Variants in DOCK1 observed in about 807,000 individuals in gnomAD.
The protein encoded by DOCK1 is dedicator of cytokinesis protein 1.
A neutral mutation model predicts 262.7 loss-of-function variants in DOCK1; 138 were observed. The ratio of observed to expected loss-of-function variants is 0.53; its 90% CI spans 0.46 to 0.61. DOCK1 has a LOEUF of 0.61. DOCK1 is among the 20% of genes least tolerant of loss of function. The pLI, the probability that DOCK1 is intolerant of heterozygous loss-of-function variation, is 0.00. For synonymous variants in DOCK1, 866 were observed against 867.4 expected (o/e 1.00, Z 0.03); for missense variants, 1,908 against 2,370.7 (o/e 0.80, Z 4.05).
intron 27 of DOCK1, among the ~76,000 whole-genome samples, chr10:127,148,657 A>G (rs1409800266): frequency 6.6e-6 from 1 of 152,236 alleles, no homozygotes; most frequent in Non-Finnish European, 1.5e-5. Flanking sequence ...TTAGTCCGAC[A>G]AAAGAATTAC....
rs1482921512 is a variant in DOCK1 at position 127,409,298 on chromosome 10, A to G, written c.4265-15A>G. 3 of 1,613,414 alleles carry G rather than the reference A, an allele frequency of 1.9e-6. No individual in the cohort carries two copies. In the African/African-American group the frequency reaches 4.0e-5, roughly 22 times the overall value. On this transcript the variant is annotated splice_polypyrimidine_tract_variant and intron_variant, in intron 41 of 51. Transcript: ENST00000623213. ...GTCTATGCTGCCTTAGTGATCCTTA[A>G]CCCCCTCACCTCAGATATTCAGTGC...
intron 29 of DOCK1, among the ~76,000 whole-genome samples, chr10:127,320,767 G>A (rs1398205272): frequency 6.6e-6 from 1 of 152,170 alleles, no homozygotes; most frequent in African/African-American, 2.4e-5. Flanking sequence ...AGGTGTGGCA[G>A]GTGTAGAATG....
At position 127,404,440 on chromosome 10, in the gene DOCK1, G is replaced by A. The variant is rs1217730391; in HGVS notation, c.4122+11G>A. 1 of 1,610,300 alleles carries A rather than the reference G, an allele frequency of 6.2e-7. No homozygotes were observed. The highest frequency in any genetic ancestry group is 8.5e-7 in the Non-Finnish European group (1 of 1,177,862). The stretch of plus-strand genomic sequence containing the variant: ...CCCACATTCCTGCGGGTAAAGTTTG[G>A]TTCTGCCTAATCTGAGCCATGATTG... On this transcript the variant is annotated intron_variant, in intron 40 of 51. Transcript: ENST00000623213.
chr10:127,324,151 G>C (rs1333632808), intron 29 of DOCK1, among the ~76,000 whole-genome samples: 1 of 152,308 alleles, frequency 6.6e-6, no homozygotes, highest in East Asian at 1.9e-4. Context: ...GCCCACGGTG[G>C]GGGAGAATCC....
At chr10:127,166,407 A>G (rs1203227514) in intron 27 of DOCK1, among the ~76,000 whole-genome samples, 2 of 152,144 alleles carry the variant, frequency 1.3e-5, no homozygotes, top group African/African-American at 4.8e-5. Flanking sequence ...TTGGTTCCCC[A>G]TTTTCAGGGG....
chr10:127,423,682 A>G (rs1311305277), intron 46 of DOCK1, among the ~76,000 whole-genome samples: 1 of 152,198 alleles, frequency 6.6e-6, no homozygotes, highest in Non-Finnish European at 1.5e-5. Context: ...GAACTCAGCC[A>G]TCATCCCCAG....
intron 46 of DOCK1, among the ~76,000 whole-genome samples, chr10:127,425,399 T>A (rs2068753258): frequency 1.3e-5 from 2 of 152,294 alleles, no homozygotes; most frequent in Non-Finnish European, 1.5e-5. Flanking sequence ...ATTTTTAGTT[T>A]TAAAGAAGAA....
At chr10:127,422,105 A>G (rs1270159914) in intron 46 of DOCK1, among the ~76,000 whole-genome samples, 1 of 150,024 alleles carries the variant, frequency 6.7e-6, no homozygotes, top group Non-Finnish European at 1.5e-5. Context: ...ACCAGCAGTA[A>G]TGCATGATTC....
intron 27 of DOCK1, among the ~76,000 whole-genome samples, chr10:127,186,279 GC>G (rs2056222952): frequency 6.6e-6 from 1 of 152,152 alleles, no homozygotes. Context: ...TGCTGGGGAG[GC>G]CTCAAGAAAC....
intron 29 of DOCK1, among the ~76,000 whole-genome samples, chr10:127,300,299 C>T (rs899178746): frequency 2.0e-5 from 3 of 152,180 alleles, no homozygotes; most frequent in African/African-American, 4.8e-5. Context: ...GGCTTCTCTC[C>T]GTTGTCTGTC....
intron 31 of DOCK1, among the ~76,000 whole-genome samples, chr10:127,345,696 C>T (rs922260206): frequency 5.3e-5 from 8 of 152,226 alleles, no homozygotes; most frequent in African/African-American, 1.9e-4. Context: ...CAGCCCACCA[C>T]CTTGGGGCCT....
intron 30 of DOCK1, among the ~76,000 whole-genome samples, chr10:127,341,625 T>C (rs1407354946): frequency 6.6e-6 from 1 of 152,162 alleles, no homozygotes; most frequent in Non-Finnish European, 1.5e-5. Context: ...CTGGGTAGAT[T>C]CCCGTGTGTT....
intron 29 of DOCK1, chr10:127,257,798 G>C (rs896110686): frequency 2.8e-4 from 47 of 165,664 alleles, no homozygotes; most frequent in Admixed American, 1.2e-4. Flanking sequence ...AGAGGCTTTT[G>C]CAAAGTGTTG....
intron 22 of DOCK1, among the ~76,000 whole-genome samples, chr10:127,054,991 C>A (rs1276046373): frequency 1.3e-5 from 2 of 152,194 alleles, no homozygotes; most frequent in African/African-American, 2.4e-5. Context: ...CAAATTATTT[C>A]TCTGCCTCGT....
chr10:127,447,841 C>T (rs1171586182), intron 51 of DOCK1, among the ~76,000 whole-genome samples: 1 of 152,206 alleles, frequency 6.6e-6, no homozygotes, highest in Non-Finnish European at 1.5e-5. Flanking sequence ...GTTATCATCA[C>T]CATGGAGATC....
At chr10:127,146,373 A>G (rs761026405) in intron 27 of DOCK1, among the ~76,000 whole-genome samples, 4 of 152,236 alleles carry the variant, frequency 2.6e-5, no homozygotes, top group Non-Finnish European at 5.9e-5. Context: ...ATTGCTAAAC[A>G]TTAGTAAAAA....
chr10:126,986,595 A>G (rs904997129), intron 4 of DOCK1, among the ~76,000 whole-genome samples: 1 of 152,222 alleles, frequency 6.6e-6, no homozygotes, highest in Non-Finnish European at 1.5e-5. Context: ...AAACGAGCGC[A>G]TAAATAGGTA....
chr10:127,381,465 T>G, intron 37 of DOCK1, 97 bp downstream of exon 37: 4 of 1,039,996 alleles, frequency 3.8e-6, no homozygotes, highest in Non-Finnish European at 5.5e-6. Context: ...AGTAGGCCTA[T>G]AACTTAAGGT....
At chr10:127,271,162 T>A (rs369406171) in intron 29 of DOCK1, among the ~76,000 whole-genome samples, 27 of 152,278 alleles carry the variant, frequency 1.8e-4, no homozygotes, top group African/African-American at 6.3e-4. Context: ...CTTTGTTGGA[T>A]GACATTTAAA....
Sources: gnomAD v4.1 joint callset for allele counts (sites outside exome capture counted in the v4.1 genomes callset) on GRCh38, gnomAD v4.1.1 for gene constraint, MANE v1.5 for transcripts, NCBI Gene and HGNC (gene_info 2026-07-23, HGNC 2026-07-21) for gene names.